The following THRB variants were observed in gnomAD, a reference collection of about 807,000 sequenced individuals.
The protein encoded by THRB is nuclear receptor subfamily 1 group A member 2.
Under a neutral mutation model 47.8 loss-of-function variants are expected in THRB, and 12 were observed. That is an observed-to-expected ratio of 0.25 (90% CI 0.16 to 0.41). The LOEUF (loss-of-function observed/expected upper bound fraction) is 0.41. Ranked by LOEUF, THRB falls within the 10% of genes least tolerant of loss-of-function variation. THRB has a pLI of 1.00. For synonymous variants in THRB, 218 were observed against 212.2 expected, an observed-to-expected ratio of 1.03 and a Z score of -0.24; for missense variants, 348 against 589.2, an observed-to-expected ratio of 0.59 and a Z score of 4.24.
intron 10 of THRB, among the ~76,000 whole-genome samples, chr3:24,123,590 C>T (rs917580442): frequency 7.9e-5 from 12 of 152,210 alleles, no homozygotes; most frequent in South Asian, 2.1e-4. Context: ...AGGAGGAACG[C>T]GGAATAGTAA....
intron 6 of THRB, among the ~76,000 whole-genome samples, chr3:24,148,233 T>C (rs919679323): frequency 6.6e-6 from 1 of 152,212 alleles, no homozygotes; most frequent in Admixed American, 6.5e-5. Flanking sequence ...TGCAAGTGAT[T>C]CTCATATCTT....
At chr3:24,324,755 A>G (rs1264434664) in intron 2 of THRB, among the ~76,000 whole-genome samples, 1 of 152,256 alleles carries the variant, frequency 6.6e-6, no homozygotes, top group African/African-American at 2.4e-5. Context: ...CTTAAATGAG[A>G]ACACTAAAGG....
chr3:24,256,480 A>T (rs920657451), intron 3 of THRB, among the ~76,000 whole-genome samples: 1 of 152,190 alleles, frequency 6.6e-6, no homozygotes, highest in Non-Finnish European at 1.5e-5. Context: ...CTTTAAAAAA[A>T]TTTAATGGAA....
At chr3:24,225,104 G>A (rs1186071703) in intron 4 of THRB, among the ~76,000 whole-genome samples, 5 of 152,184 alleles carry the variant, frequency 3.3e-5, no homozygotes, top group Admixed American at 2.0e-4. Context: ...GCAGAAATGC[G>A]AGTGGTGAAT....
intron 1 of THRB, among the ~76,000 whole-genome samples, chr3:24,489,742 C>A (rs1377434793): frequency 6.6e-6 from 1 of 152,170 alleles, no homozygotes; most frequent in Non-Finnish European, 1.5e-5. Context: ...GCATAGATCA[C>A]TATTCTAGCT....
At chr3:24,365,953 A>G (rs978126267) in intron 1 of THRB, among the ~76,000 whole-genome samples, 4 of 152,196 alleles carry the variant, frequency 2.6e-5, no homozygotes, top group Non-Finnish European at 4.4e-5. Flanking sequence ...ACTTAAGAGG[A>G]GGAAATAAGA....
intron 1 of THRB, among the ~76,000 whole-genome samples, chr3:24,373,684 G>A (rs559103141): frequency 6.6e-6 from 1 of 152,186 alleles, no homozygotes; most frequent in East Asian, 1.9e-4. Context: ...AACTGTTAAA[G>A]CCAACTAAAT....
In THRB at chr3:24,364,808, G is replaced by C. The variant is rs372649594; in HGVS notation, c.-260-27437C>G. On this transcript the variant is annotated intron_variant, in intron 1 of 10. Transcript: ENST00000646209. ...TCGGACAAACAACTGAGAACAATAG[G>C]TTTTGAAAACTTCTCCTAATGAGGA... Among the ~76,000 whole-genome samples, 7 of 152,192 alleles carry C rather than the reference G, an allele frequency of 4.6e-5. No individual in the cohort carries two copies. The South Asian group carries it at 1.5e-3, about 32-fold the overall frequency.
intron 8 of THRB, among the ~76,000 whole-genome samples, chr3:24,135,847 A>ATATATATATATATATATATATATATATT (rs371175625): frequency 1.7e-4 from 22 of 130,970 alleles, no homozygotes; most frequent in South Asian, 1.7e-3. Flanking sequence ...ATATATATAT[A>ATATATATATATATATATATATATATATT]ATACATAAAT....
chr3:24,434,359 C>T (rs2070734947), intron 1 of THRB, among the ~76,000 whole-genome samples: 1 of 152,144 alleles, frequency 6.6e-6, no homozygotes, highest in Admixed American at 6.6e-5. Flanking sequence ...TGCCAAGGCT[C>T]TTATCCTCCT....
intron 2 of THRB, among the ~76,000 whole-genome samples, chr3:24,313,150 C>T (rs2057873821): frequency 6.6e-6 from 1 of 152,122 alleles, no homozygotes; most frequent in African/African-American, 2.4e-5. Flanking sequence ...AAGACAGCAA[C>T]TCCCAATTTT....
chr3:24,484,311 C>T (rs2125905258), intron 1 of THRB, among the ~76,000 whole-genome samples: 1 of 152,120 alleles, frequency 6.6e-6, no homozygotes, highest in South Asian at 2.1e-4. Flanking sequence ...TTGATAGAAT[C>T]CCAGAGTTTT....
intron 5 of THRB, among the ~76,000 whole-genome samples, chr3:24,154,184 G>A (rs530822940): frequency 6.6e-6 from 1 of 152,240 alleles, no homozygotes; most frequent in Non-Finnish European, 1.5e-5. Context: ...TTTGCATCAT[G>A]CAAACCATGA....
At chr3:24,452,320 G>A (rs2072741608) in intron 1 of THRB, among the ~76,000 whole-genome samples, 1 of 152,034 alleles carries the variant, frequency 6.6e-6, no homozygotes, top group African/African-American at 2.4e-5. Context: ...TCCGTTTGGT[G>A]CCCAAGGTGC....
At chr3:24,412,574 C>G (rs1306597064) in intron 1 of THRB, among the ~76,000 whole-genome samples, 1 of 151,776 alleles carries the variant, frequency 6.6e-6, no homozygotes, top group Non-Finnish European at 1.5e-5. Context: ...TGCACTGGCT[C>G]TCCAAATATA....
chr3:24,208,109 A>G (rs4333036), intron 4 of THRB, among the ~76,000 whole-genome samples: 23,371 of 151,962 alleles, frequency 0.15, 5,286 homozygotes, highest in African/African-American at 0.5. Context: ...GCTTCAATGA[A>G]AATAAAATAC....
intron 2 of THRB, among the ~76,000 whole-genome samples, chr3:24,309,084 G>A (rs998944126): frequency 2.6e-5 from 4 of 152,128 alleles, no homozygotes; most frequent in Admixed American, 2.6e-4. Flanking sequence ...CTTCATCAGA[G>A]AGGCCATCTC....
intron 4 of THRB, among the ~76,000 whole-genome samples, chr3:24,212,438 C>T (rs1055177940): frequency 5.3e-5 from 8 of 150,888 alleles, no homozygotes; most frequent in Non-Finnish European, 7.4e-5. Context: ...GAAAATTAGC[C>T]AGGCATGGTG....
chr3:24,475,598 C>T (rs1394767279), intron 1 of THRB, among the ~76,000 whole-genome samples: 1 of 152,152 alleles, frequency 6.6e-6, no homozygotes, highest in Non-Finnish European at 1.5e-5. Context: ...GAAGATGACA[C>T]TACTAGTGAC....
Sources: allele counts gnomAD v4.1 joint callset (sites outside exome capture counted in the v4.1 genomes callset), GRCh38; gene constraint gnomAD v4.1.1; transcripts MANE v1.5; gene names NCBI Gene and HGNC (gene_info 2026-07-23, HGNC 2026-07-21).